The following DMD variants were observed in gnomAD, a reference collection of about 807,000 sequenced individuals.
DMD encodes the protein mutant dystrophin.
DMD carries 63 observed loss-of-function variants against 330.1 expected under a neutral mutation model. The ratio of observed to expected loss-of-function variants is 0.19; its 90% CI spans 0.16 to 0.24. The LOEUF (loss-of-function observed/expected upper bound fraction) is 0.24. Ranked by LOEUF, DMD falls within the 10% of genes least tolerant of loss-of-function variation. DMD has a pLI of 1.00. For missense variants in DMD, 3,344 were observed against 2,684.1 expected (o/e 1.25, Z -5.43); for synonymous variants, 1,223 against 959.8 (o/e 1.27, Z -5.07).
intron 7 of DMD, among the ~76,000 whole-genome samples, chrX:32,741,372 C>T (rs1265440896): frequency 2.7e-5 from 3 of 111,311 alleles, no homozygotes; most frequent in African/African-American, 9.8e-5. Flanking sequence ...TTTTTCAAAC[C>T]TTTGTCACTC....
At chrX:32,266,392 G>A (rs1385334299) in intron 43 of DMD, among the ~76,000 whole-genome samples, 2 of 112,101 alleles carry the variant, frequency 1.8e-5, no homozygotes, top group Non-Finnish European at 3.8e-5. Context: ...AGAGCAGCAT[G>A]AGAACAGACT....
At chrX:32,953,066 T>C (rs768424602) in intron 2 of DMD, among the ~76,000 whole-genome samples, 1 of 101,560 alleles carries the variant, frequency 9.8e-6, no homozygotes, top group African/African-American at 3.7e-5. Context: ...ACCCAGGAGA[T>C]GGAGGTTGTA....
At chrX:32,819,055 C>T (rs1313636796) in intron 5 of DMD, among the ~76,000 whole-genome samples, 1 of 98,013 alleles carries the variant, frequency 1.0e-5, no homozygotes, top group African/African-American at 3.9e-5. Flanking sequence ...AACATGCTGC[C>T]TGCCAAACTC....
chrX:31,304,448 A>G (rs1351939453), intron 62 of DMD, among the ~76,000 whole-genome samples: 1 of 110,754 alleles, frequency 9.0e-6, no homozygotes, highest in African/African-American at 3.3e-5. Context: ...GCCTAAGAAT[A>G]TACTCTTTAC....
rs1261151714 is a variant in DMD, at chrX:31,177,952, G to A, written c.10242C>T (p.Asn3414=). Residue 3414 remains asparagine (N), a synonymous_variant, in exon 71 of 79, where the codon AAC becomes AAT. Coordinates refer to ENST00000357033, the MANE Select transcript of DMD (RefSeq NM_004006.3). The stretch of plus-strand genomic sequence containing the variant: ...CTCACGCAGAATCTACTGGCCAGAA[G>A]TTGATCAGAGTAACGGGACTGCAAA... ...DNMETPVTLI[N]FWPVDSAPAS... is the part of the protein sequence containing the mutation. The A allele has an allele frequency of 8.3e-7, 1 of 1,207,879 alleles. No homozygotes were observed. The highest frequency in any genetic ancestry group is 3.0e-5 in the East Asian group (1 of 33,790).
chrX:32,968,295 C>A (rs2092244788), intron 2 of DMD, among the ~76,000 whole-genome samples: 1 of 108,388 alleles, frequency 9.2e-6, no homozygotes, highest in African/African-American at 3.4e-5. Context: ...TGAAAGTTTT[C>A]AGTTACCTTC....
chrX:31,280,969 G>C (rs1010027654), intron 62 of DMD, among the ~76,000 whole-genome samples: 2 of 111,730 alleles, frequency 1.8e-5, no homozygotes, highest in Admixed American at 9.6e-5. Context: ...TTAATATTTA[G>C]TTAAAATATG....
intron 55 of DMD, among the ~76,000 whole-genome samples, chrX:31,578,271 T>C (rs2076195769): frequency 8.9e-6 from 1 of 111,974 alleles, no homozygotes; most frequent in African/African-American, 3.2e-5. Context: ...ATTAATCTTA[T>C]TTCACAGATG....
chrX:32,048,892 G>A (rs1224650880), intron 44 of DMD, among the ~76,000 whole-genome samples: 2 of 111,321 alleles, frequency 1.8e-5, no homozygotes, highest in African/African-American at 3.3e-5. Context: ...GAGGCTGATG[G>A]GGTCTCAAGT....
At chrX:33,255,362 C>T (rs977739686) in intron 1 of DMD, among the ~76,000 whole-genome samples, 24 of 110,560 alleles carry the variant, frequency 2.2e-4, no homozygotes, top group African/African-American at 7.2e-4. Flanking sequence ...TTATCCCAGA[C>T]GGAATAACAA....
rs190726457 is a variant in DMD, at chrX:33,138,524, C to T, written c.31+72758G>A. Among the ~76,000 whole-genome samples, 468 of 111,880 alleles carry T rather than the reference C, an allele frequency of 4.2e-3. 3 individuals are homozygous for T. Among genetic ancestry groups the T allele is most frequent in the Non-Finnish European group, 6.9e-3 (366 of 53,163 alleles). ...GCCAGCATTAATAATAGGGATATTG[C>T]TCCTTGCATTTGCTACTTCTTTCTG... is the stretch of plus-strand genomic sequence containing the variant. On this transcript the variant is annotated intron_variant, in intron 1 of 78. Coordinates refer to ENST00000357033, the MANE Select transcript of DMD (RefSeq NM_004006.3).
chrX:32,197,440 T>C (rs946408496), intron 44 of DMD, among the ~76,000 whole-genome samples: 4 of 112,026 alleles, frequency 3.6e-5, no homozygotes, highest in Non-Finnish European at 5.6e-5. Context: ...TATTTGGAAA[T>C]TTTCTGTTTA....
chrX:33,015,034 C>T (rs913069386), intron 2 of DMD, among the ~76,000 whole-genome samples: 20 of 110,931 alleles, frequency 1.8e-4, no homozygotes, highest in African/African-American at 5.2e-4. Context: ...GGTGGGGCTG[C>T]GGAGAAAATG....
At chrX:33,235,153 T>C (rs1022454379) in intron 1 of DMD, among the ~76,000 whole-genome samples, 1 of 111,825 alleles carries the variant, frequency 8.9e-6, no homozygotes, top group Non-Finnish European at 1.9e-5. Context: ...ATACTAACAA[T>C]GGCTTGGTCT....
chrX:33,053,361 T>G (rs1402939595), intron 1 of DMD, among the ~76,000 whole-genome samples: 1 of 111,081 alleles, frequency 9.0e-6, no homozygotes, highest in Non-Finnish European at 1.9e-5. Flanking sequence ...TTTGGGAGGC[T>G]GAGGCGGGCG....
Position 32,077,246 on chromosome X carries a change from T to G in DMD, c.6439-108732A>C, listed in dbSNP as rs965095357. On this transcript the variant is annotated intron_variant, in intron 44 of 78. Coordinates refer to ENST00000357033, the MANE Select transcript of DMD (RefSeq NM_004006.3). ...GCTGGTTAAAGGGATGTGTTCAGTT[T>G]GTGCAAATTCATCTAGCTGCACCTT... Among the ~76,000 whole-genome samples, 17 of 111,021 alleles carry G rather than the reference T, an allele frequency of 1.5e-4. No individual in the cohort carries two copies. The Admixed American group carries it at 1.6e-3, about 11-fold the overall frequency.
At chrX:32,587,219 AGCATTTTCTTTCC>A (rs2054392535) in intron 13 of DMD, among the ~76,000 whole-genome samples, 1 of 111,984 alleles carries the variant, frequency 8.9e-6, no homozygotes, top group Non-Finnish European at 1.9e-5. Context: ...TTCACAGTAT[AGCATTTTCTTTCC>A]AAGTGGCTTT....
At chrX:31,766,030 C>T (rs2089971116) in intron 51 of DMD, among the ~76,000 whole-genome samples, 1 of 110,458 alleles carries the variant, frequency 9.1e-6, no homozygotes, top group Admixed American at 9.6e-5. Flanking sequence ...ACTTTAAGGA[C>T]CAAAAGTTAT....
Position 31,496,907 on chromosome X carries a change from G to A in DMD, c.8428C>T (p.Leu2810=). The change falls in exon 57 of 79, where the codon CTG becomes TTG. Residue 2810 remains leucine, a synonymous_variant. Coordinates refer to ENST00000357033, the MANE Select transcript of DMD (RefSeq NM_004006.3). ...LEASSDQWKR[L]HLSLQELLVW... is the part of the protein sequence containing the mutation. ...AGAAGTTCCTGCAGAGAAAGGTGCA[G>A]ACGCTTCCACTGGTCAGAACTGGCT... 2 of 1,210,839 alleles carry A rather than the reference G, an allele frequency of 1.7e-6. No individual in the cohort carries two copies. The highest frequency in any genetic ancestry group is 2.2e-5 in the Admixed American group (1 of 45,966).
Sources: gnomAD v4.1 joint callset for allele counts (sites outside exome capture counted in the v4.1 genomes callset) on GRCh38, gnomAD v4.1.1 for gene constraint, MANE v1.5 for transcripts, NCBI Gene and HGNC (gene_info 2026-07-23, HGNC 2026-07-21) for gene names.